Variants in PPP1R7 observed in about 807,000 individuals in gnomAD.
PPP1R7 encodes the protein protein phosphatase 1 regulatory subunit 7.
PPP1R7 carries 18 observed loss-of-function variants against 45.2 expected under a neutral mutation model. That is an observed-to-expected ratio of 0.40 (90% confidence interval 0.28 to 0.59). PPP1R7 has a LOEUF of 0.59. PPP1R7 is among the 20% of genes least tolerant of loss of function. The pLI is 0.46. For missense variants in PPP1R7, 314 were observed against 455.8 expected (o/e 0.69, Z 2.83); for synonymous variants, 181 against 183.4 (o/e 0.99, Z 0.11).
chr2:241,170,280 G>T (rs573994241), intron 9 of PPP1R7, among the ~76,000 whole-genome samples: 1 of 152,354 alleles, frequency 6.6e-6, no homozygotes, highest in Admixed American at 6.5e-5. Context: ...ATTCCCTACA[G>T]ATATATTCCA....
Position 241,182,848 on chromosome 2 carries a change from C to T in PPP1R7, c.*25C>T, listed in dbSNP as rs368417602. 28 of 1,598,020 alleles carry T rather than the reference C, an allele frequency of 1.8e-5. No homozygotes were observed. The African/African-American group carries it at 3.6e-4, about 21-fold the overall frequency. On this transcript the variant is annotated 3_prime_UTR_variant, in exon 10 of 10. Transcript: ENST00000234038. Reference sequence around the variant, plus strand: ...AGTCCTTCTTGGCTCCTCATGTGGTCCCTCTCCTCGGAAGAACTGCCCAGC... The same window carrying T: ...AGTCCTTCTTGGCTCCTCATGTGGTTCCTCTCCTCGGAAGAACTGCCCAGC...
upstream of PPP1R7, chr2:241,150,313 G>C (rs1215449867): frequency 1.5e-6 from 2 of 1,334,460 alleles, no homozygotes; most frequent in East Asian, 3.1e-5. Context: ...TGCTCTGGGG[G>C]AGGCGCGGCG....
intron 3 of PPP1R7, 101 bp from the exon 4 acceptor site, chr2:241,158,383 G>T: frequency 9.2e-7 from 1 of 1,090,654 alleles, no homozygotes; most frequent in South Asian, 1.3e-5. Flanking sequence ...ACCTGGCACT[G>T]CCTCCCCCAC....
At position 241,182,779 on chromosome 2, in the gene PPP1R7, C is replaced by T; in HGVS notation, c.1039C>T (p.Leu347Phe). The change falls in exon 10 of 10, where the codon CTC becomes TTC. Residue 347 changes from leucine (L) to phenylalanine (F), a missense_variant. Coordinates refer to ENST00000234038, the MANE Select transcript of PPP1R7 (RefSeq NM_002712.3). ...PQYRRKVMLA[L>F]PSVRQIDATF... is the part of the protein sequence containing the mutation. The stretch of plus-strand genomic sequence containing the variant: ...GTACCGGCGGAAGGTCATGCTCGCC[C>T]TCCCCTCCGTGCGGCAGATCGATGC... The T allele has an allele frequency of 6.2e-7, 1 of 1,614,154 alleles. No individual in the cohort carries two copies. The highest frequency in any genetic ancestry group is 1.3e-5 in the African/African-American group (1 of 75,060).
At chr2:241,176,107 C>T (rs972372528) in intron 9 of PPP1R7, among the ~76,000 whole-genome samples, 17 of 152,102 alleles carry the variant, frequency 1.1e-4, no homozygotes, top group Non-Finnish European at 2.1e-4. Flanking sequence ...GAGACAAGGT[C>T]TCACTGTGGT....
intron 2 of PPP1R7, among the ~76,000 whole-genome samples, chr2:241,156,438 A>C (rs1181277957): frequency 2.6e-5 from 4 of 152,236 alleles, no homozygotes; most frequent in Admixed American, 2.6e-4. Context: ...TGGGAGGCCA[A>C]GGTGGGAGGA....
At position 241,176,473 on chromosome 2, in the gene PPP1R7, T is replaced by C. The variant is rs74551495; in HGVS notation, c.907-6174T>C. On this transcript the variant is annotated intron_variant, in intron 9 of 9. Transcript: ENST00000234038. ...TTTTTTTTCTTTCTTTTTTTTTTTT[T>C]TGAGATGGAGCTTTGCTCCTGTCGT... Among the ~76,000 whole-genome samples the C allele has an allele frequency of 0.042, 6,395 of 151,678 alleles. 679 individuals carry two copies. In the East Asian group the frequency reaches 0.46, roughly 11 times the overall value.
intron 9 of PPP1R7, among the ~76,000 whole-genome samples, chr2:241,174,076 A>G (rs531685253): frequency 6.6e-6 from 1 of 152,276 alleles, no homozygotes; most frequent in Non-Finnish European, 1.5e-5. Flanking sequence ...TTCAAAACAT[A>G]CTGAACTTTA....
upstream of PPP1R7, chr2:241,149,800 T>A (rs905111971): frequency 6.5e-7 from 1 of 1,533,182 alleles, no homozygotes; most frequent in South Asian, 1.2e-5. Flanking sequence ...CTCCGCAGGG[T>A]AGACGAAGGC....
upstream of PPP1R7, chr2:241,150,315 G>A (rs2067226305): frequency 6.8e-6 from 9 of 1,333,208 alleles, no homozygotes; most frequent in South Asian, 1.7e-4. Context: ...CTCTGGGGGA[G>A]GCGCGGCGCG....
chr2:241,150,219 C>T (rs1474043737), upstream of PPP1R7: 1 of 1,279,998 alleles, frequency 7.8e-7, no homozygotes, highest in Non-Finnish European at 9.9e-7. Flanking sequence ...AGCTACGGCT[C>T]TGTGCGTCCC....
chr2:241,163,971 G>A (rs1197309373), intron 7 of PPP1R7, among the ~76,000 whole-genome samples: 2 of 150,914 alleles, frequency 1.3e-5, no homozygotes, highest in Admixed American at 6.6e-5. Context: ...GGAGTGCAGT[G>A]ACAAGTGCAT....
chr2:241,152,125 G>T (rs533259483), intron 1 of PPP1R7, among the ~76,000 whole-genome samples: 1 of 152,192 alleles, frequency 6.6e-6, no homozygotes, highest in African/African-American at 2.4e-5. Context: ...TGACTAATTT[G>T]TTATATATCT....
At chr2:241,149,946 C>A (rs565349622), upstream of PPP1R7, 71 of 1,426,278 alleles carry the variant, frequency 5.0e-5, no homozygotes, top group South Asian at 8.1e-4. Context: ...CAAGAGAAGG[C>A]GGCATTTCGC....
At chr2:241,150,028 A>C, upstream of PPP1R7, 1 of 1,386,088 alleles carries the variant, frequency 7.2e-7, no homozygotes, top group South Asian at 1.5e-5. Flanking sequence ...GTACAGACGC[A>C]GCCAGCGAGG....
chr2:241,168,395 A>G (rs1288200713), intron 8 of PPP1R7, among the ~76,000 whole-genome samples: 1 of 152,088 alleles, frequency 6.6e-6, no homozygotes, highest in Non-Finnish European at 1.5e-5. Context: ...GGGCTTGCAT[A>G]CCAGATGACC....
chr2:241,168,830 A>G (rs1575400569), intron 8 of PPP1R7, among the ~76,000 whole-genome samples: 1 of 152,098 alleles, frequency 6.6e-6, no homozygotes, highest in Non-Finnish European at 1.5e-5. Context: ...ATTTCAGGGG[A>G]GATGGGGGGA....
At chr2:241,156,793 G>A (rs1270805502) in intron 2 of PPP1R7, among the ~76,000 whole-genome samples, 1 of 152,172 alleles carries the variant, frequency 6.6e-6, no homozygotes, top group African/African-American at 2.4e-5. Flanking sequence ...AGACAGTTGA[G>A]GAAATACGAA....
intron 6 of PPP1R7, among the ~76,000 whole-genome samples, chr2:241,162,900 GTC>G (rs2067626253): frequency 6.6e-6 from 1 of 152,134 alleles, no homozygotes; most frequent in Non-Finnish European, 1.5e-5. Flanking sequence ...AGCCAGGATG[GTC>G]TCTATCTGAC....
Sources: allele counts gnomAD v4.1 joint callset (sites outside exome capture counted in the v4.1 genomes callset), GRCh38; gene constraint gnomAD v4.1.1; transcripts MANE v1.5; gene names NCBI Gene and HGNC (gene_info 2026-07-23, HGNC 2026-07-21).